The following NSF variants were observed in gnomAD, a reference collection of about 807,000 sequenced individuals.
NSF encodes vesicle-fusing ATPase.
Under a neutral mutation model 50.3 loss-of-function variants are expected in NSF, and 14 were observed. The ratio of observed to expected loss-of-function variants is 0.28; its 90% CI spans 0.18 to 0.44. The LOEUF is 0.44. Among genes scored for constraint, NSF ranks in the 20% least tolerant of loss-of-function variants. The pLI is 1.00. For missense variants in NSF, 218 were observed against 504.3 expected (o/e 0.43, Z 5.44); for synonymous variants, 109 against 175.7 (o/e 0.62, Z 3.00).
Position 46,721,524 on chromosome 17 carries a change from C to T in NSF, c.1762-5025C>T. 2.4e-5 allele frequency: 25 copies of T among 1,056,440 alleles called. No individual in the cohort carries two copies. The South Asian group carries it at 3.2e-4, about 13-fold the overall frequency. The allele number at this position is 1,056,440 out of a possible 1,614,324, so 65.4% of individuals were successfully genotyped here. ...AAACTTCATAATAGAACTGGGCTGA[C>T]TATACATTCTTTTTCTGTGTGTGTG... On this transcript the variant is annotated intron_variant, in intron 15 of 20. Transcript: ENST00000398238.
At chr17:46,744,618 A>T (rs1355469891) in intron 17 of NSF, among the ~76,000 whole-genome samples, 1 of 147,312 alleles carries the variant, frequency 6.8e-6, no homozygotes, top group African/African-American at 2.4e-5. Flanking sequence ...ATTTTTATTT[A>T]GGGAAAAAAA....
intron 15 of NSF, among the ~76,000 whole-genome samples, chr17:46,714,807 T>C (rs2058752354): frequency 6.6e-6 from 1 of 152,252 alleles, no homozygotes; most frequent in Non-Finnish European, 1.5e-5. Flanking sequence ...ATGCTTGATC[T>C]TTTATAGATA....
At chr17:46,720,489 G>A (rs2058818960) in intron 15 of NSF, among the ~76,000 whole-genome samples, 1 of 152,188 alleles carries the variant, frequency 6.6e-6, no homozygotes, top group Non-Finnish European at 1.5e-5. Flanking sequence ...GGAAGCTTTA[G>A]AGCTTTGCCA....
chr17:46,609,247 ATTT>A (rs892124431), intron 1 of NSF, among the ~76,000 whole-genome samples: 1 of 148,286 alleles, frequency 6.7e-6, no homozygotes, highest in African/African-American at 2.6e-5. Flanking sequence ...CAATGTATGC[ATTT>A]TTGTGTATAT....
rs376260812 is a variant in NSF at position 46,711,104 on chromosome 17, A to T, written c.1612A>T (p.Ser538Cys). The T allele has an allele frequency of 6.6e-7, 1 of 1,515,530 alleles. No individual in the cohort carries two copies. Among genetic ancestry groups the T allele is most frequent in the Non-Finnish European group, 8.8e-7 (1 of 1,139,086 alleles). 93.9% of individuals were successfully genotyped at this position (1,515,530 alleles called of 1,614,324 possible). A position where few individuals can be genotyped will look rare whatever the true frequency, so the allele number is the denominator to read the frequency against. Residue 538 changes from serine (S) to cysteine (C), a missense_variant, in exon 14 of 21, where the codon AGC (serine) becomes TGC (cysteine). By Grantham distance (112) the Ser-to-Cys change is moderately radical. Coordinates refer to ENST00000398238, the MANE Select transcript of NSF (RefSeq NM_006178.4). ...GAACAGTGACCGCACACCATTGGTC[A>T]GCGTGCTTCTGGAAGGTGAGAATGA... ...TKNSDRTPLV[S>C]VLLEGPPHSG... is the part of the protein sequence containing the mutation.
chr17:46,745,486 C>G (rs2059118932), intron 17 of NSF, among the ~76,000 whole-genome samples: 1 of 152,164 alleles, frequency 6.6e-6, no homozygotes, highest in Admixed American at 6.5e-5. Flanking sequence ...CCCAATCTTT[C>G]AACACTTTGA....
chr17:46,713,317 C>T (rs1481913685), intron 14 of NSF: 1 of 153,256 alleles, frequency 6.5e-6, no homozygotes, highest in Non-Finnish European at 1.5e-5. Flanking sequence ...ACGAGGGACA[C>T]AGCTTCCAAA....
Position 46,711,019 on chromosome 17 carries a change from A to C in NSF, c.1527A>C (p.Lys509Asn), listed in dbSNP as rs2058714504. 6.3e-7 allele frequency: 1 copy of C among 1,593,920 alleles called. No homozygotes were observed. The highest frequency in any genetic ancestry group is 8.5e-7 in the Non-Finnish European group (1 of 1,173,640). ...GTTACATTATGAACGGTATCATCAA[A>C]TGGGGTGACCCAGTTACTCGAGTTC... ...YASYIMNGII[K>N]WGDPVTRVLD... The change falls in exon 14 of 21, where the codon AAA becomes AAC. Residue 509 changes from lysine to asparagine, a missense_variant. By Grantham distance (94) the Lys-to-Asn change is moderately conservative. Transcript: ENST00000398238.
intron 1 of NSF, among the ~76,000 whole-genome samples, chr17:46,622,302 A>C (rs2058073871): frequency 6.8e-6 from 1 of 146,360 alleles, no homozygotes. Flanking sequence ...ATGAAAATAC[A>C]AAAAAATTAG....
chr17:46,754,624 T>C (rs1212662824), intron 19 of NSF, among the ~76,000 whole-genome samples: 1 of 152,194 alleles, frequency 6.6e-6, no homozygotes, highest in African/African-American at 2.4e-5. Flanking sequence ...TAAATATGAA[T>C]AGAAAATGAA....
chr17:46,755,757 A>ACT, intron 20 of NSF, 45 bp from the exon 21 acceptor site: 28 of 1,461,100 alleles, frequency 1.9e-5, no homozygotes, highest in Non-Finnish European at 2.5e-5. Context: ...ATAGTTTTTT[A>ACT]CGGACCCTCA....
rs2059243070 is a variant in NSF, at chr17:46,757,257, T to G, written c.*1434T>G. ...TGGCTTTTAAAGAAGTGGATTGTAT[T>G]GTGAGATCCTGTGATTCCTGGTGGC... On this transcript the variant is annotated 3_prime_UTR_variant, in exon 21 of 21. Transcript: ENST00000398238. The G allele has an allele frequency of 6.6e-6, 1 of 152,526 alleles. No individual in the cohort carries two copies. The allele number at this position is 152,526 out of a possible 1,614,324, so 9.4% of individuals were successfully genotyped here. A position where few individuals can be genotyped will look rare whatever the true frequency, so the allele number is the denominator to read the frequency against.
chr17:46,745,143 A>C (rs2059115244), intron 17 of NSF, among the ~76,000 whole-genome samples: 3 of 152,138 alleles, frequency 2.0e-5, no homozygotes, highest in Admixed American at 6.6e-5. Flanking sequence ...TGGGTTGAGC[A>C]CCACTTTTGT....
At chr17:46,692,574 T>C (rs2058558378) in intron 9 of NSF, among the ~76,000 whole-genome samples, 1 of 146,414 alleles carries the variant, frequency 6.8e-6, no homozygotes, top group South Asian at 2.2e-4. Context: ...AAATGTAAGG[T>C]CTTTCAAATA....
Position 46,755,381 on chromosome 17 carries a change from C to T in NSF, c.2213+12C>T. 8 of 1,608,850 alleles carry T rather than the reference C, an allele frequency of 5.0e-6. No individual in the cohort carries two copies. Among genetic ancestry groups the T allele is most frequent in the Non-Finnish European group, 6.8e-6 (8 of 1,175,166 alleles). On this transcript the variant is annotated intron_variant, in intron 20 of 20. Transcript: ENST00000398238. ...AGAGAAGAAGGAGCGTAAGTACATA[C>T]AACATTTAATGACCATCAACCAAAC...
rs1568027333 is a variant in NSF at position 46,673,911 on chromosome 17, GTGTGTGTGTGTGT to G, written c.746-502_746-490del. On this transcript the variant is annotated intron_variant, in intron 8 of 20. Transcript: ENST00000398238. ...TATGGCTGAATAGTATTCCATGGGG[GTGTGTGTGTGTGT>G]GTGTGTGTGTGTGTGTGTGTGTGTG... Among the ~76,000 whole-genome samples, 11 of 5,484 alleles carry G rather than the reference GTGTGTGTGTGTGT, an allele frequency of 2.0e-3. 1 individual carries two copies. The highest frequency in any genetic ancestry group is 3.7e-3 in the African/African-American group (9 of 2,406). The allele number at this position is 5,484 out of a possible 152,430, so 3.6% of individuals were successfully genotyped here.
In NSF at chr17:46,671,661, G is replaced by A. The variant is rs1031597699; in HGVS notation, c.746-2753G>A. Among the ~76,000 whole-genome samples the A allele has an allele frequency of 1.2e-3, 81 of 68,820 alleles. 1 individual carries two copies. Among genetic ancestry groups the A allele is most frequent in the African/African-American group, 3.9e-3 (71 of 18,242 alleles). 45.1% of individuals were successfully genotyped at this position (68,820 alleles called of 152,430 possible). A position where few individuals can be genotyped will look rare whatever the true frequency, so the allele number is the denominator to read the frequency against. On this transcript the variant is annotated intron_variant, in intron 8 of 20. Transcript: ENST00000398238. The stretch of plus-strand genomic sequence containing the variant: ...GAAGTTATATTAAATATATTCTATC[G>A]TTTCACATATCTGTATTATATATAA...
chr17:46,726,534 T>G lies in NSF; in HGVS notation c.1762-15T>G. 1.2e-6 allele frequency: 2 copies of G among 1,613,238 alleles called. No individual in the cohort carries two copies. The highest frequency in any genetic ancestry group is 1.7e-6 in the Non-Finnish European group (2 of 1,179,230). On this transcript the variant is annotated splice_polypyrimidine_tract_variant and intron_variant, in intron 15 of 20. Coordinates refer to ENST00000398238, the MANE Select transcript of NSF (RefSeq NM_006178.4). ...GGAGGACAGTGAGATAATAAATGACTTTGTTTTCTTTCAGATCTTTGATGA... is the reference window on the plus strand; with the variant it reads ...GGAGGACAGTGAGATAATAAATGACGTTGTTTTCTTTCAGATCTTTGATGA...
chr17:46,742,800 C>CT, intron 17 of NSF, among the ~76,000 whole-genome samples: 1 of 152,222 alleles, frequency 6.6e-6, no homozygotes, highest in East Asian at 1.9e-4. Flanking sequence ...AGTTGACAGG[C>CT]TAGAAACAAG....
Sources: allele counts gnomAD v4.1 joint callset (sites outside exome capture counted in the v4.1 genomes callset), GRCh38; gene constraint gnomAD v4.1.1; transcripts MANE v1.5; gene names NCBI Gene and HGNC (gene_info 2026-07-23, HGNC 2026-07-21).